RNF217: variants seen among roughly 807,000 people sequenced by gnomAD.
RNF217 encodes the protein ring finger protein 217.
Under a neutral mutation model 57.8 loss-of-function variants are expected in RNF217, and 31 were observed. The ratio of observed to expected loss-of-function variants is 0.54; its 90% CI spans 0.40 to 0.72. RNF217 has a LOEUF of 0.72. RNF217 is among the 30% of genes least tolerant of loss of function. The pLI is 0.00. For missense variants in RNF217, 696 were observed against 708.3 expected (o/e 0.98, Z 0.20); for synonymous variants, 313 against 294.0 (o/e 1.06, Z -0.66).
intron 1 of RNF217, among the ~76,000 whole-genome samples, chr6:125,002,877 T>G (rs1003254154): frequency 5.3e-5 from 8 of 152,194 alleles, no homozygotes; most frequent in Non-Finnish European, 2.9e-5. Flanking sequence ...AGGAGGCTAC[T>G]TGGTATATTG....
chr6:125,011,327 G>A (rs1308507316), intron 1 of RNF217, among the ~76,000 whole-genome samples: 2 of 152,048 alleles, frequency 1.3e-5, no homozygotes, highest in Non-Finnish European at 2.9e-5. Flanking sequence ...TGTGCCAGGT[G>A]CCATCTTCTT....
chr6:124,976,461 G>T (rs933903568), intron 1 of RNF217, among the ~76,000 whole-genome samples: 1 of 151,684 alleles, frequency 6.6e-6, no homozygotes, highest in African/African-American at 2.4e-5. Context: ...GTAGAGATGG[G>T]GTTTCACTAT....
At chr6:125,063,512 T>TA (rs1407165248) in intron 3 of RNF217, among the ~76,000 whole-genome samples, 1 of 152,154 alleles carries the variant, frequency 6.6e-6, no homozygotes, top group East Asian at 1.9e-4. Flanking sequence ...ATAATAACAC[T>TA]AACATGTACT....
chr6:124,978,400 G>T (rs1024160912), intron 1 of RNF217, among the ~76,000 whole-genome samples: 2 of 151,450 alleles, frequency 1.3e-5, no homozygotes, highest in Admixed American at 1.3e-4. Context: ...AACCAGGCAT[G>T]CTGTGAGCGG....
rs567601349 is a variant in RNF217 at position 124,962,768 on chromosome 6, C to G, written c.224C>G (p.Pro75Arg). ...SAPEPARSLG[P>R]PGWSKSRAPA... ...CCAGAGCCCGCGAGGAGCCTGGGGC[C>G]CCCGGGCTGGAGTAAGAGCCGAGCA... is the stretch of plus-strand genomic sequence containing the variant. Residue 75 changes from proline (P) to arginine (R), a missense_variant, in exon 1 of 6, where the codon CCC becomes CGC. Coordinates refer to ENST00000521654, the MANE Select transcript of RNF217 (RefSeq NM_001286398.3). This position sits in a 1 kb window ranked among gnomAD's most constrained non-coding sequence, Gnocchi z 4.6. The G allele has an allele frequency of 1.9e-6, 3 of 1,594,368 alleles. No individual in the cohort carries two copies. In the South Asian group the frequency reaches 3.3e-5, roughly 18 times the overall value.
chr6:125,002,279 C>T (rs992950331), intron 1 of RNF217, among the ~76,000 whole-genome samples: 5 of 152,080 alleles, frequency 3.3e-5, no homozygotes, highest in Non-Finnish European at 5.9e-5. Flanking sequence ...TTCCAGGCAC[C>T]GGAACAATGT....
chr6:124,979,212 A>G (rs185082971), intron 1 of RNF217, among the ~76,000 whole-genome samples: 63 of 152,242 alleles, frequency 4.1e-4, no homozygotes, highest in African/African-American at 1.2e-3. Context: ...GTTATTATCA[A>G]TTGTGTGATG....
intron 1 of RNF217, among the ~76,000 whole-genome samples, chr6:125,024,576 G>A (rs1785991394): frequency 6.6e-6 from 1 of 152,124 alleles, no homozygotes; most frequent in Admixed American, 6.5e-5. Context: ...AAATTAGCCA[G>A]ACATAGCGGT....
chr6:125,033,224 A>T (rs1247438482), intron 1 of RNF217, among the ~76,000 whole-genome samples: 1 of 147,904 alleles, frequency 6.8e-6, no homozygotes, highest in African/African-American at 2.5e-5. Flanking sequence ...CTTAAGTTTT[A>T]GGGTACATGT....
chr6:124,994,976 G>A (rs1400041208), intron 1 of RNF217, among the ~76,000 whole-genome samples: 1 of 152,090 alleles, frequency 6.6e-6, no homozygotes, highest in Non-Finnish European at 1.5e-5. Context: ...TACTAATATT[G>A]TGTAAAAATG....
chr6:125,021,655 T>C (rs930244405), intron 1 of RNF217, among the ~76,000 whole-genome samples: 15 of 152,188 alleles, frequency 9.9e-5, no homozygotes, highest in African/African-American at 3.6e-4. Context: ...CAAGGACTTA[T>C]ATGAAAATGT....
chr6:125,010,638 A>C (rs980603432), intron 1 of RNF217, among the ~76,000 whole-genome samples: 1 of 152,254 alleles, frequency 6.6e-6, no homozygotes, highest in Non-Finnish European at 1.5e-5. Flanking sequence ...TTAAAAAAAT[A>C]GATCTTTACA....
At chr6:125,038,789 G>A (rs1786755685) in intron 1 of RNF217, among the ~76,000 whole-genome samples, 1 of 152,048 alleles carries the variant, frequency 6.6e-6, no homozygotes, top group African/African-American at 2.4e-5. Flanking sequence ...ATTGTTAGGA[G>A]CTTGGTATGA....
chr6:125,031,561 A>C (rs1169190555), intron 1 of RNF217, among the ~76,000 whole-genome samples: 1 of 152,200 alleles, frequency 6.6e-6, no homozygotes, highest in East Asian at 1.9e-4. Context: ...GGGCAGGGGC[A>C]AAAAGCTGCC....
At chr6:125,019,456 T>C (rs1034892673) in intron 1 of RNF217, among the ~76,000 whole-genome samples, 1 of 152,220 alleles carries the variant, frequency 6.6e-6, no homozygotes, top group Non-Finnish European at 1.5e-5. Flanking sequence ...TGTGACTATA[T>C]AAGCAACACT....
At chr6:124,975,102 A>G (rs2114998993) in intron 1 of RNF217, among the ~76,000 whole-genome samples, 1 of 152,302 alleles carries the variant, frequency 6.6e-6, no homozygotes, top group Middle Eastern at 3.4e-3. Flanking sequence ...AGCTAATTAT[A>G]GGCTACCTGG....
chr6:125,042,930 C>T (rs1412755949), intron 1 of RNF217, among the ~76,000 whole-genome samples: 3 of 152,038 alleles, frequency 2.0e-5, no homozygotes, highest in Admixed American at 1.3e-4. Context: ...TACTGCTTCC[C>T]AATAACAAGT....
rs1787057114 is a variant in RNF217, at chr6:125,045,374, G to A, written c.1046G>A (p.Cys349Tyr). Reference sequence around the variant, plus strand: ...TCCAGCACCAAGCCATGTCCTCAGTGCAAGCACTTTACAACCTTCAAGAAA... The same window carrying A: ...TCCAGCACCAAGCCATGTCCTCAGTACAAGCACTTTACAACCTTCAAGAAA... ...IDSSTKPCPQ[C>Y]KHFTTFKKKG... Residue 349 changes from cysteine to tyrosine, a missense_variant, in exon 2 of 6, where the codon TGC becomes TAC. Around this residue, in one of 2 missense-constraint regions of RNF217, gnomAD observed 231 missense variants for 321.4 expected, o/e 0.72. Coordinates refer to ENST00000521654, the MANE Select transcript of RNF217 (RefSeq NM_001286398.3). 6.2e-7 allele frequency: 1 copy of A among 1,613,420 alleles called. No individual in the cohort carries two copies. Among genetic ancestry groups the A allele is most frequent in the Admixed American group, 1.7e-5 (1 of 59,900 alleles).
intron 1 of RNF217, among the ~76,000 whole-genome samples, chr6:125,030,712 C>T (rs1786315512): frequency 1.3e-5 from 2 of 152,122 alleles, no homozygotes; most frequent in African/African-American, 4.8e-5. Flanking sequence ...CAGTCTCCCT[C>T]CTGGCTGTTT....
Sources: gnomAD v4.1 joint callset for allele counts (sites outside exome capture counted in the v4.1 genomes callset) on GRCh38, gnomAD v4.1.1 for gene constraint, gnomAD v4.1.1 regional missense constraint, Gnocchi (gnomAD v3.1) non-coding constraint, MANE v1.5 for transcripts, NCBI Gene and HGNC (gene_info 2026-07-23, HGNC 2026-07-21) for gene names.